The following SLC24A3 variants were observed in gnomAD, a reference collection of about 807,000 sequenced individuals.
SLC24A3 encodes solute carrier family 24 member 3.
In SLC24A3, 28 loss-of-function variants were observed where a neutral mutation model predicts 75.8. The observed-to-expected ratio is 0.37, with a 90% confidence interval of 0.27 to 0.51. The LOEUF is 0.51. SLC24A3 is among the 20% of genes least tolerant of loss of function. The pLI is 0.94. For synonymous variants in SLC24A3, 372 were observed against 334.1 expected (o/e 1.11, Z -1.24); for missense variants, 663 against 847.8 (o/e 0.78, Z 2.71).
At chr20:19,443,861 G>A (rs971321125) in intron 2 of SLC24A3, among the ~76,000 whole-genome samples, 1 of 152,080 alleles carries the variant, frequency 6.6e-6, no homozygotes, top group African/African-American at 2.4e-5. Context: ...ACTCTTCCTT[G>A]TTTAAGGCTT....
At chr20:19,245,259 G>C (rs115083867) in intron 1 of SLC24A3, among the ~76,000 whole-genome samples, 2 of 152,074 alleles carry the variant, frequency 1.3e-5, no homozygotes, top group African/African-American at 2.4e-5. Context: ...TATAGTAATG[G>C]AGTTCACACT....
intron 2 of SLC24A3, among the ~76,000 whole-genome samples, chr20:19,325,789 TATATATAGAGAGAGAGAG>T (rs1353717291): frequency 2.2e-5 from 2 of 92,502 alleles, no homozygotes; most frequent in East Asian, 7.0e-4. Flanking sequence ...TATATATATA[TATATATAGAGAGAGAGAG>T]AGAGAGAGAG....
intron 2 of SLC24A3, among the ~76,000 whole-genome samples, chr20:19,372,527 A>G (rs1229485876): frequency 6.6e-6 from 1 of 152,218 alleles, no homozygotes; most frequent in Non-Finnish European, 1.5e-5. Flanking sequence ...TATTAGCACT[A>G]TCTGGGAGCA....
chr20:19,572,359 A>C (rs916726941), intron 3 of SLC24A3, among the ~76,000 whole-genome samples: 1 of 151,902 alleles, frequency 6.6e-6, no homozygotes, highest in Non-Finnish European at 1.5e-5. Flanking sequence ...AAGAAGAAAA[A>C]AAGAAAAAAA....
intron 6 of SLC24A3, among the ~76,000 whole-genome samples, chr20:19,646,055 C>CA (rs2032133359): frequency 6.6e-6 from 1 of 152,036 alleles, no homozygotes; most frequent in Non-Finnish European, 1.5e-5. Flanking sequence ...GGCCCTGTCT[C>CA]AAAAAACAAG....
rs1166009820 is a variant in SLC24A3 at position 19,489,100 on chromosome 20, T to C, written c.272-26388T>C. ...AAAGGAAAGCCACCCTTGGAATTTC[T>C]GGGGAAGTCACCTAGCCTAATTCAA... On this transcript the variant is annotated intron_variant, in intron 2 of 16. Coordinates refer to ENST00000328041, the MANE Select transcript of SLC24A3 (RefSeq NM_020689.4). 2.0e-5 allele frequency among the ~76,000 whole-genome samples: 3 copies of C among 152,220 alleles called. No individual in the cohort carries two copies. The East Asian group carries it at 5.8e-4, about 29-fold the overall frequency.
At chr20:19,279,901 G>C (rs2009166) in intron 1 of SLC24A3, among the ~76,000 whole-genome samples, 3,424 of 152,096 alleles carry the variant, frequency 0.023, 144 homozygotes, top group African/African-American at 0.077. Context: ...CAAGTAATAT[G>C]GGTCGAGCAC....
At chr20:19,253,052 G>C (rs554492887) in intron 1 of SLC24A3, among the ~76,000 whole-genome samples, 4 of 152,294 alleles carry the variant, frequency 2.6e-5, no homozygotes, top group South Asian at 2.1e-4. Context: ...CACGGGGTTA[G>C]GCAATCCTGC....
chr20:19,582,075 A>G (rs1288286745), intron 4 of SLC24A3, among the ~76,000 whole-genome samples: 1 of 152,230 alleles, frequency 6.6e-6, no homozygotes, highest in African/African-American at 2.4e-5. Flanking sequence ...ATGTCTGTGA[A>G]TGATGGGTGG....
intron 2 of SLC24A3, among the ~76,000 whole-genome samples, chr20:19,351,178 C>A (rs747796295): frequency 2.0e-5 from 3 of 152,170 alleles, no homozygotes; most frequent in Non-Finnish European, 4.4e-5. Flanking sequence ...CTCAGTCCTC[C>A]CCAGAACCTT....
chr20:19,285,408 A>T (rs1318353069), intron 2 of SLC24A3, among the ~76,000 whole-genome samples: 7 of 131,452 alleles, frequency 5.3e-5, no homozygotes, highest in Non-Finnish European at 7.9e-5. Flanking sequence ...AGCCTGGGAG[A>T]TGGAGGTTGC....
chr20:19,572,118 C>T (rs1450251130), intron 3 of SLC24A3, among the ~76,000 whole-genome samples: 1 of 152,188 alleles, frequency 6.6e-6, no homozygotes, highest in Non-Finnish European at 1.5e-5. Context: ...GGGAGGATCG[C>T]TTGAGTCCAG....
chr20:19,321,504 C>T (rs148302276), intron 2 of SLC24A3, among the ~76,000 whole-genome samples: 3 of 152,264 alleles, frequency 2.0e-5, no homozygotes, highest in African/African-American at 2.4e-5. Context: ...GCTCATGCTA[C>T]GTAACTTCAA....
chr20:19,457,086 T>C (rs1322968845), intron 2 of SLC24A3, among the ~76,000 whole-genome samples: 1 of 152,090 alleles, frequency 6.6e-6, no homozygotes, highest in Non-Finnish European at 1.5e-5. Flanking sequence ...TCCAGAAAAA[T>C]GTCTGGACCC....
intron 2 of SLC24A3, among the ~76,000 whole-genome samples, chr20:19,363,435 C>T (rs1264672532): frequency 6.6e-6 from 1 of 152,178 alleles, no homozygotes; most frequent in Non-Finnish European, 1.5e-5. Context: ...AGTTCATTAT[C>T]CAGAATTGGC....
intron 6 of SLC24A3, among the ~76,000 whole-genome samples, chr20:19,623,097 C>A (rs2031824641): frequency 6.6e-6 from 1 of 152,112 alleles, no homozygotes; most frequent in African/African-American, 2.4e-5. Flanking sequence ...GACAAATATC[C>A]AAACCATAAC....
intron 2 of SLC24A3, among the ~76,000 whole-genome samples, chr20:19,440,655 T>G (rs867536266): frequency 2.7e-4 from 41 of 151,850 alleles, no homozygotes; most frequent in African/African-American, 7.5e-4. Context: ...GTTTTTTTTT[T>G]TTTTTTTTTT....
intron 6 of SLC24A3, among the ~76,000 whole-genome samples, chr20:19,616,158 A>G (rs2122669318): frequency 1.3e-5 from 2 of 152,318 alleles, no homozygotes; most frequent in South Asian, 4.1e-4. Context: ...TGGAACAAAT[A>G]TGGTTCATCC....
chr20:19,448,965 A>G lies in SLC24A3; in HGVS notation c.272-66523A>G, dbSNP rs150063381. Among the ~76,000 whole-genome samples, 1,046 of 152,318 alleles carry G rather than the reference A, an allele frequency of 6.9e-3. 11 individuals are homozygous for G. The highest frequency in any genetic ancestry group is 0.024 in the African/African-American group (980 of 41,570). ...GGGAAAGTGCAACTGAACAGCAGCC[A>G]TTCAGCCCCTCCTGGATGTGCACCC... On this transcript the variant is annotated intron_variant, in intron 2 of 16. Transcript: ENST00000328041.
Sources: allele counts gnomAD v4.1 joint callset (sites outside exome capture counted in the v4.1 genomes callset), GRCh38; gene constraint gnomAD v4.1.1; transcripts MANE v1.5; gene names NCBI Gene and HGNC (gene_info 2026-07-23, HGNC 2026-07-21).